Variants in USP9X observed in about 807,000 individuals in gnomAD.
The protein encoded by USP9X is ubiquitin carboxyl-terminal hydrolase 9X.
Under a neutral mutation model 190.3 loss-of-function variants are expected in USP9X, and 7 were observed. The ratio of observed to expected loss-of-function variants is 0.04; its 90% CI spans 0.02 to 0.07. The LOEUF (loss-of-function observed/expected upper bound fraction) is 0.07. USP9X is among the 10% of genes least tolerant of loss of function. The probability of loss-of-function intolerance (pLI) is 1.00; values close to 1 mark genes in which losing one functional copy is unlikely to be tolerated. For synonymous variants in USP9X, 645 were observed against 659.5 expected, an observed-to-expected ratio of 0.98 and a Z score of 0.34; for missense variants, 1,010 against 1,916.9, an observed-to-expected ratio of 0.53 and a Z score of 8.83.
At position 41,168,064 on chromosome X, in the gene USP9X, G is replaced by A. The variant is rs746695479; in HGVS notation, c.2482G>A (p.Asp828Asn). The part of the protein sequence containing the change: ...SCFDRLKASY[D>N]TLCVLDGDKD... Reference sequence around the variant, plus strand: ...TTTTGATCGTCTGAAGGCTTCCTATGACACATTGTGTGTTTTGGATGGTGA... The same window carrying A: ...TTTTGATCGTCTGAAGGCTTCCTATAACACATTGTGTGTTTTGGATGGTGA... Residue 828 changes from aspartate to asparagine, a missense_variant, in exon 18 of 45, where the codon GAC becomes AAC. Asp to Asn is a conservative substitution (Grantham distance 23, BLOSUM62 1). Coordinates refer to ENST00000378308, the MANE Select transcript of USP9X (RefSeq NM_001039591.3). 1 of 1,211,404 alleles carries A rather than the reference G, an allele frequency of 8.3e-7. No homozygotes were observed. Among genetic ancestry groups the A allele is most frequent in the Non-Finnish European group, 1.1e-6 (1 of 895,296 alleles).
chrX:41,181,820 C>T (rs191437569), intron 21 of USP9X, among the ~76,000 whole-genome samples: 1 of 110,778 alleles, frequency 9.0e-6, no homozygotes, highest in East Asian at 2.8e-4. Flanking sequence ...CTGGTTTTGA[C>T]CTGGGCTCCA....
In USP9X at chrX:41,148,582, G is replaced by C; in HGVS notation, c.1626+7G>C. 2 of 1,208,359 alleles carry C rather than the reference G, an allele frequency of 1.7e-6. No individual in the cohort carries two copies. The highest frequency in any genetic ancestry group is 2.2e-6 in the Non-Finnish European group (2 of 892,810). On this transcript the variant is annotated splice_region_variant and intron_variant, in intron 12 of 44. Transcript: ENST00000378308. ...AGATTACAGTTGCTCCCAGGTAAGAGTGTACTGCTTTGCTCACTTTTTGTG... is the reference window on the plus strand; with the variant it reads ...AGATTACAGTTGCTCCCAGGTAAGACTGTACTGCTTTGCTCACTTTTTGTG...
chrX:41,203,514 A>T (rs2063061874), intron 31 of USP9X, among the ~76,000 whole-genome samples: 1 of 111,725 alleles, frequency 9.0e-6, no homozygotes, highest in Non-Finnish European at 1.9e-5. Flanking sequence ...TGTATATACC[A>T]CATTTTCCTT....
rs1490445402 is a variant in USP9X at position 41,234,554 on chromosome X, T to C, written c.*2030T>C. 1 of 111,876 alleles carries C rather than the reference T, an allele frequency of 8.9e-6. No individual in the cohort carries two copies. Among genetic ancestry groups the C allele is most frequent in the Non-Finnish European group, 1.9e-5 (1 of 53,162 alleles). 9.2% of individuals were successfully genotyped at this position (111,876 alleles called of 1,213,427 possible). A position where few individuals can be genotyped will look rare whatever the true frequency, so the allele number is the denominator to read the frequency against. ...AATTCCAACTGATTTTTGTTTTGTT[T>C]TTATTTTTTTGTTGTTTTCTTCTTT... On this transcript the variant is annotated 3_prime_UTR_variant, in exon 45 of 45. Transcript: ENST00000378308.
chrX:41,232,195 A>G (rs903666833), intron 44 of USP9X, among the ~76,000 whole-genome samples, 192 bp from the exon 45 acceptor site: 2 of 104,405 alleles, frequency 1.9e-5, no homozygotes, highest in African/African-American at 7.0e-5. Flanking sequence ...TGGGGTTTGC[A>G]TTTACACTAC....
intron 1 of USP9X, among the ~76,000 whole-genome samples, chrX:41,110,484 T>C (rs868194907): frequency 1.8e-5 from 2 of 111,812 alleles, no homozygotes; most frequent in South Asian, 7.5e-4. Context: ...TATGGTGTGA[T>C]AGTTAAAACT....
At chrX:41,211,550 A>G (rs1334242314) in intron 33 of USP9X, among the ~76,000 whole-genome samples, 12 of 113,659 alleles carry the variant, frequency 1.1e-4, no homozygotes, top group African/African-American at 3.8e-4. Flanking sequence ...AACCTATTGT[A>G]AAAAAAGATT....
intron 14 of USP9X, among the ~76,000 whole-genome samples, chrX:41,158,443 G>A (rs1004922505): frequency 9.0e-6 from 1 of 110,968 alleles, no homozygotes; most frequent in Non-Finnish European, 1.9e-5. Flanking sequence ...AAGTGCTGGG[G>A]TTGGGGGACA....
intron 1 of USP9X, among the ~76,000 whole-genome samples, chrX:41,105,432 G>T (rs2062062547): frequency 8.9e-6 from 1 of 112,057 alleles, no homozygotes. Context: ...CTTTATTTCA[G>T]TTAACATAGT....
Position 41,085,667 on chromosome X carries a change from C to A in USP9X, c.-601C>A. ...CCTTAGCGCCCGGTGCTTGGGTCGG[C>A]GCCGGGAGCGAGGAGCGAGCTACTT... is the stretch of plus-strand genomic sequence containing the variant. On this transcript the variant is annotated 5_prime_UTR_variant, in exon 1 of 45. Transcript: ENST00000378308. 3.4e-6 allele frequency: 1 copy of A among 295,018 alleles called. No individual in the cohort carries two copies. Among genetic ancestry groups the A allele is most frequent in the East Asian group, 4.8e-5 (1 of 20,877 alleles). 24.3% of individuals were successfully genotyped at this position (295,018 alleles called of 1,213,427 possible).
chrX:41,130,119 A>AT (rs1184424299), intron 3 of USP9X, among the ~76,000 whole-genome samples: 1 of 111,586 alleles, frequency 9.0e-6, no homozygotes, highest in Non-Finnish European at 1.9e-5. Context: ...ATATGAATTG[A>AT]TTTTTCTATA....
intron 5 of USP9X, 95 bp from the exon 6 acceptor site, chrX:41,136,709 G>A (rs956808727): frequency 1.8e-5 from 11 of 600,550 alleles, no homozygotes; most frequent in African/African-American, 1.4e-4. Flanking sequence ...TGGAGAGATC[G>A]TTATTTGTTA....
chrX:41,145,025 C>G (rs1212396297), intron 11 of USP9X, among the ~76,000 whole-genome samples: 1 of 111,160 alleles, frequency 9.0e-6, no homozygotes, highest in Non-Finnish European at 1.9e-5. Context: ...ATAAGGTAGC[C>G]CAAGAACTCC....
chrX:41,216,339 G>C lies in USP9X; in HGVS notation c.5772G>C (p.Glu1924Asp). The C allele has an allele frequency of 8.3e-7, 1 of 1,211,930 alleles. No individual in the cohort carries two copies. The highest frequency in any genetic ancestry group is 1.1e-6 in the Non-Finnish European group (1 of 895,578). The change falls in exon 35 of 45, where the codon GAG becomes GAC. Residue 1924 changes from glutamate to aspartate, a missense_variant. Around this residue, in one of 11 missense-constraint regions of USP9X, gnomAD observed 120 missense variants for 342.7 expected, o/e 0.35. Coordinates refer to ENST00000378308, the MANE Select transcript of USP9X (RefSeq NM_001039591.3). ...TGAAAAACCAGTGTTTTGGTGGAGA[G>C]TACATGGGAGAAGTGTTTGATCACA... ...EEMKNQCFGG[E>D]YMGEVFDHMM...
chrX:41,111,447 A>G (rs1017985703), intron 1 of USP9X, among the ~76,000 whole-genome samples: 7 of 112,007 alleles, frequency 6.2e-5, no homozygotes, highest in Non-Finnish European at 9.4e-5. Context: ...GTTGTTTGCC[A>G]ATGAATCCTT....
chrX:41,113,319 G>C (rs1448691616), intron 1 of USP9X, among the ~76,000 whole-genome samples: 1 of 111,027 alleles, frequency 9.0e-6, no homozygotes, highest in East Asian at 2.8e-4. Context: ...TCCTGCCTCA[G>C]CCTCCCGAGT....
intron 1 of USP9X, among the ~76,000 whole-genome samples, chrX:41,101,076 A>C (rs1325398667): frequency 8.9e-6 from 1 of 111,967 alleles, no homozygotes; most frequent in African/African-American, 3.2e-5. Flanking sequence ...AGAAGGTACC[A>C]CATACTGAAT....
chrX:41,222,584 G>T (rs1179033198), intron 38 of USP9X, among the ~76,000 whole-genome samples: 1 of 111,417 alleles, frequency 9.0e-6, no homozygotes, highest in Non-Finnish European at 1.9e-5. Flanking sequence ...ACAAATGAGG[G>T]TTGCAGTGTT....
intron 30 of USP9X, among the ~76,000 whole-genome samples, chrX:41,198,956 G>C (rs1044274158): frequency 1.3e-4 from 14 of 111,971 alleles, no homozygotes; most frequent in Non-Finnish European, 2.6e-4. Flanking sequence ...GGAGGCCAAG[G>C]TGGGTGGATC....
Sources: allele counts gnomAD v4.1 joint callset (sites outside exome capture counted in the v4.1 genomes callset), GRCh38; gene constraint gnomAD v4.1.1; regional missense constraint gnomAD v4.1.1; transcripts MANE v1.5; gene names NCBI Gene and HGNC (gene_info 2026-07-23, HGNC 2026-07-21).